The following RB1 variants were observed in gnomAD, a reference collection of about 807,000 sequenced individuals.
RB1 encodes retinoblastoma-associated protein.
RB1 carries 18 observed loss-of-function variants against 135.4 expected under a neutral mutation model. The observed-to-expected ratio is 0.13, with a 90% confidence interval of 0.09 to 0.20. The LOEUF (loss-of-function observed/expected upper bound fraction) is 0.20. Ranked by LOEUF, RB1 falls within the 10% of genes least tolerant of loss-of-function variation. RB1 has a pLI of 1.00. For missense variants in RB1, 868 were observed against 1,110.0 expected (o/e 0.78, Z 3.10); for synonymous variants, 365 against 373.2 (o/e 0.98, Z 0.25).
At chr13:48,318,064 A>G (rs1223620684) in intron 2 of RB1, 4 of 531,910 alleles carry the variant, frequency 7.5e-6, no homozygotes, top group Admixed American at 2.6e-5. Context: ...CCCTGGGGAA[A>G]TGGATTCCCT....
chr13:48,448,809 T>C (rs1016760775), intron 17 of RB1, among the ~76,000 whole-genome samples: 1 of 152,254 alleles, frequency 6.6e-6, no homozygotes, highest in Non-Finnish European at 1.5e-5. Flanking sequence ...TCATGTGATG[T>C]ATCATGTAAT....
chr13:48,411,494 C>A (rs1290479348), intron 17 of RB1: 1 of 1,612,644 alleles, frequency 6.2e-7, no homozygotes, highest in East Asian at 2.2e-5. Context: ...AGTCACTTCT[C>A]CTGACAGACC....
At chr13:48,473,519 TTA>T in intron 24 of RB1, 129 bp downstream of exon 24, 1 of 733,786 alleles carries the variant, frequency 1.4e-6, no homozygotes, top group Non-Finnish European at 2.3e-6. Context: ...GCATAGAATT[TTA>T]TGAGATATAT....
intron 17 of RB1, among the ~76,000 whole-genome samples, chr13:48,388,732 A>G (rs1408273122): frequency 1.3e-5 from 2 of 152,200 alleles, no homozygotes; most frequent in Non-Finnish European, 2.9e-5. Flanking sequence ...GTATGAGAAG[A>G]GAAGGAGGCT....
intron 11 of RB1, 101 bp downstream of exon 11, chr13:48,368,705 G>T (rs1566194818): frequency 1.4e-5 from 20 of 1,467,340 alleles, no homozygotes; most frequent in Non-Finnish European, 1.6e-5. Context: ...ATACATACAT[G>T]TAAGAAATAT....
chr13:48,389,349 T>A (rs181381620), intron 17 of RB1, among the ~76,000 whole-genome samples: 38 of 151,954 alleles, frequency 2.5e-4, no homozygotes, highest in Non-Finnish European at 4.6e-4. Context: ...GGGGATAGGA[T>A]GAGATCTGAA....
At chr13:48,405,158 G>A (rs987339471) in intron 17 of RB1, among the ~76,000 whole-genome samples, 6 of 152,070 alleles carry the variant, frequency 3.9e-5, no homozygotes, top group African/African-American at 1.4e-4. Context: ...AAAATCCTAC[G>A]ATGCAACAAG....
chr13:48,459,885 G>A, intron 20 of RB1, 52 bp downstream of exon 20: 2 of 830,546 alleles, frequency 2.4e-6, no homozygotes, highest in South Asian at 1.8e-5. Context: ...CTTGTTAACT[G>A]ATTCTTTCTT....
At chr13:48,474,714 G>A (rs1949493641) in intron 24 of RB1, among the ~76,000 whole-genome samples, 1 of 152,164 alleles carries the variant, frequency 6.6e-6, no homozygotes, top group African/African-American at 2.4e-5. Flanking sequence ...CTCAGTGAAA[G>A]TGGCAGAGCT....
chr13:48,412,246 C>T (rs755699659), intron 17 of RB1: 2 of 1,614,012 alleles, frequency 1.2e-6, no homozygotes, highest in African/African-American at 2.7e-5. Context: ...TCTGACATTG[C>T]CAAGTTAATC....
chr13:48,456,052 T>G, intron 18 of RB1, 152 bp from the exon 19 acceptor site: 5 of 1,400,720 alleles, frequency 3.6e-6, no homozygotes, highest in Non-Finnish European at 4.7e-6. Flanking sequence ...AGTTTTCCTA[T>G]TAATATATCT....
intron 20 of RB1, among the ~76,000 whole-genome samples, chr13:48,462,865 A>C (rs1265575851): frequency 6.6e-6 from 1 of 152,140 alleles, no homozygotes; most frequent in African/African-American, 2.4e-5. Context: ...CTTCATTGAC[A>C]GTTGTCAAAA....
chr13:48,400,980 G>T (rs540510922), intron 17 of RB1, among the ~76,000 whole-genome samples: 1 of 152,192 alleles, frequency 6.6e-6, no homozygotes, highest in East Asian at 1.9e-4. Context: ...AATGGAAAAA[G>T]TTCAGGGGGA....
chr13:48,464,887 A>AG (rs1283412818), intron 21 of RB1, 111 bp from the exon 22 acceptor site: 124 of 1,222,904 alleles, frequency 1.0e-4, no homozygotes, highest in Non-Finnish European at 2.4e-5. Flanking sequence ...CCAGTCAAAA[A>AG]GTATTATAAA....
chr13:48,473,422 T>G, intron 24 of RB1, 32 bp downstream of exon 24: 1 of 1,503,020 alleles, frequency 6.7e-7, no homozygotes. Context: ...AATATAATAG[T>G]ATGCATTGTA....
intron 17 of RB1, 66 bp downstream of exon 17, chr13:48,381,509 G>A (rs140542843): frequency 6.8e-7 from 1 of 1,460,128 alleles, no homozygotes; most frequent in Non-Finnish European, 9.5e-7. Context: ...TTGTTAGTGA[G>A]AGGTGTTTCT....
intron 17 of RB1, among the ~76,000 whole-genome samples, chr13:48,407,373 G>A (rs1948749687): frequency 6.6e-6 from 1 of 152,176 alleles, no homozygotes. Flanking sequence ...AGGAAGGTAG[G>A]AGAGGCTTAA....
At chr13:48,413,623 A>G (rs559535191) in intron 17 of RB1, among the ~76,000 whole-genome samples, 1 of 152,206 alleles carries the variant, frequency 6.6e-6, no homozygotes, top group Admixed American at 6.5e-5. Flanking sequence ...AATTGTTATC[A>G]TTATGAGTAG....
At chr13:48,394,953 A>T (rs572981385) in intron 17 of RB1, among the ~76,000 whole-genome samples, 170 of 152,322 alleles carry the variant, frequency 1.1e-3, no homozygotes, top group Middle Eastern at 3.4e-3. Flanking sequence ...CCTGACTGGG[A>T]AACACCTCCT....
Sources: gnomAD v4.1 joint callset for allele counts (sites outside exome capture counted in the v4.1 genomes callset) on GRCh38, gnomAD v4.1.1 for gene constraint, MANE v1.5 for transcripts, NCBI Gene and HGNC (gene_info 2026-07-23, HGNC 2026-07-21) for gene names.